Variants in TRPM2 observed in about 807,000 individuals in gnomAD.
TRPM2 encodes transient receptor potential cation channel subfamily M member 2.
TRPM2 carries 161 observed loss-of-function variants against 174.0 expected under a neutral mutation model. The observed-to-expected ratio is 0.93, with a 90% CI of 0.81 to 1.05. TRPM2 has a LOEUF of 1.05. Among genes scored for constraint, TRPM2 ranks in the 50% least tolerant of loss-of-function variants. The probability of loss-of-function intolerance (pLI) is 0.00; values close to 1 mark genes in which losing one functional copy is unlikely to be tolerated. For synonymous variants in TRPM2, 954 were observed against 861.3 expected, an observed-to-expected ratio of 1.11 and a Z score of -1.88; for missense variants, 2,057 against 2,038.0, an observed-to-expected ratio of 1.01 and a Z score of -0.18.
At chr21:44,355,064 C>T (rs772404489) in intron 2 of TRPM2, among the ~76,000 whole-genome samples, 3 of 152,062 alleles carry the variant, frequency 2.0e-5, no homozygotes, top group Non-Finnish European at 4.4e-5. Flanking sequence ...CATTTCCACA[C>T]CTGCCCCCAC....
intron 16 of TRPM2, among the ~76,000 whole-genome samples, chr21:44,404,779 GTGA>G (rs984646348): frequency 4.4e-4 from 66 of 150,560 alleles, no homozygotes; most frequent in African/African-American, 1.2e-3. Context: ...GACAGTGACT[GTGA>G]TGATAGTGGA....
At chr21:44,420,374 C>T (rs2050506890) in intron 22 of TRPM2, among the ~76,000 whole-genome samples, 2 of 152,174 alleles carry the variant, frequency 1.3e-5, no homozygotes, top group African/African-American at 4.8e-5. Context: ...GGACAGAGTC[C>T]CACATGTTCC....
intron 2 of TRPM2, among the ~76,000 whole-genome samples, chr21:44,356,201 T>TC (rs2048056468): frequency 6.8e-6 from 1 of 146,838 alleles, no homozygotes; most frequent in Admixed American, 6.7e-5. Flanking sequence ...TTAATTGTTT[T>TC]TTTTTTCCTG....
At chr21:44,386,281 G>A (rs921190120) in intron 9 of TRPM2, among the ~76,000 whole-genome samples, 2 of 152,068 alleles carry the variant, frequency 1.3e-5, no homozygotes, top group African/African-American at 2.4e-5. Flanking sequence ...GGTGGCGAGC[G>A]CCTGTAGTCC....
At position 44,391,216 on chromosome 21, in the gene TRPM2, G is replaced by A. The variant is rs555792001; in HGVS notation, c.1441-56G>A. The A allele has an allele frequency of 7.0e-6, 11 of 1,560,832 alleles. No individual in the cohort carries two copies. In the African/African-American group the frequency reaches 9.4e-5, roughly 13 times the overall value. On this transcript the variant is annotated intron_variant, in intron 10 of 31. Transcript: ENST00000397928. The surrounding 1 kb of genome is among the most constrained non-coding windows in gnomAD (Gnocchi z 5.0). ...CCCATCTCCAGGGTCTTTGAGATCA[G>A]GATGACATGGGGTGATGACCAAATG...
Position 44,442,045 on chromosome 21 carries a change from ACT to A in TRPM2, c.*230_*231del. The A allele has an allele frequency of 1.8e-6, 1 of 568,650 alleles. No homozygotes were observed. The highest frequency in any genetic ancestry group is 2.7e-6 in the Non-Finnish European group (1 of 375,062). 35.2% of individuals were successfully genotyped at this position (568,650 alleles called of 1,614,324 possible). The stretch of plus-strand genomic sequence containing the variant: ...GAGAGCTCAAGACAGGGCACAGGCT[ACT>A]CAGAGCTGAGGGGCCCCTGGGACCC... On this transcript the variant is annotated 3_prime_UTR_variant, in exon 32 of 32. Coordinates refer to ENST00000397928, the MANE Select transcript of TRPM2 (RefSeq NM_003307.4).
At chr21:44,431,155 T>C (rs1041909092) in intron 27 of TRPM2, among the ~76,000 whole-genome samples, 7 of 152,228 alleles carry the variant, frequency 4.6e-5, no homozygotes, top group African/African-American at 1.7e-4. Flanking sequence ...TATTCAACTT[T>C]CCTGGTTTTC....
intron 5 of TRPM2, among the ~76,000 whole-genome samples, chr21:44,374,015 C>CT (rs1015267813): frequency 0.025 from 3,695 of 145,288 alleles, 120 homozygotes; most frequent in African/African-American, 0.078. Context: ...CTCTCTCTCT[C>CT]TTTTTTTTTT....
At chr21:44,377,639 T>C in intron 6 of TRPM2, 73 bp from the exon 7 acceptor site, 4 of 1,594,434 alleles carry the variant, frequency 2.5e-6, no homozygotes, top group Non-Finnish European at 3.4e-6. Context: ...CCATGCTTTG[T>C]TCAGGTGTGG....
intron 19 of TRPM2, among the ~76,000 whole-genome samples, chr21:44,407,874 TA>T (rs956665264): frequency 2.6e-5 from 4 of 151,244 alleles, no homozygotes; most frequent in Admixed American, 1.3e-4. Flanking sequence ...TCCTTTTTTT[TA>T]AAAAAAATTA....
intron 5 of TRPM2, among the ~76,000 whole-genome samples, chr21:44,370,706 C>G (rs149227537): frequency 1.3e-5 from 2 of 152,272 alleles, no homozygotes; most frequent in Non-Finnish European, 2.9e-5. Context: ...GCCCGGCCTT[C>G]GCCTTCCTTT....
At chr21:44,352,386 C>T (rs2123000926), upstream of TRPM2, among the ~76,000 whole-genome samples, 23 of 152,224 alleles carry the variant, frequency 1.5e-4, no homozygotes, top group African/African-American at 4.8e-4. Context: ...GACAGCAGCC[C>T]GTAGCTCAGC....
intron 20 of TRPM2, among the ~76,000 whole-genome samples, chr21:44,417,074 G>A (rs568766005): frequency 6.4e-5 from 8 of 125,358 alleles, no homozygotes; most frequent in South Asian, 2.9e-4. Flanking sequence ...CAGTGGGCAC[G>A]TGGGCATGGC....
chr21:44,376,016 AG>A lies in TRPM2; in HGVS notation c.952+7del. On this transcript the variant is annotated splice_donor_region_variant and intron_variant, in intron 6 of 31. Transcript: ENST00000397928. The surrounding 1 kb of genome is among the most constrained non-coding windows in gnomAD (Gnocchi z 4.2). Reference sequence around the variant, plus strand: ...GGAGCAGACCAAGGAAAGAGGAGGTAGGGGAGCTTGCTTTCGAGGGTGATTG... The same window carrying A: ...GGAGCAGACCAAGGAAAGAGGAGGTAGGGAGCTTGCTTTCGAGGGTGATTG... 2.5e-6 allele frequency: 4 copies of A among 1,611,138 alleles called. No individual in the cohort carries two copies. Among genetic ancestry groups the A allele is most frequent in the African/African-American group, 1.3e-5 (1 of 75,002 alleles).
At chr21:44,420,920 G>C (rs1217208951) in intron 22 of TRPM2, among the ~76,000 whole-genome samples, 1 of 152,230 alleles carries the variant, frequency 6.6e-6, no homozygotes, top group Non-Finnish European at 1.5e-5. Flanking sequence ...CCAGGAAAGT[G>C]AGAGAGGTGG....
Position 44,405,233 on chromosome 21 carries a change from T to C in TRPM2, c.2630T>C (p.Leu877Ser), listed in dbSNP as rs1410518298. 6.2e-7 allele frequency: 1 copy of C among 1,613,316 alleles called. No homozygotes were observed. Among genetic ancestry groups the C allele is most frequent in the Non-Finnish European group, 8.5e-7 (1 of 1,179,946 alleles). ...FWNKLDVGAILLFVAGLTCRL... is the reference protein window; with the variant it reads ...FWNKLDVGAISLFVAGLTCRL... The stretch of plus-strand genomic sequence containing the variant: ...AATAAGCTGGACGTCGGCGCAATCT[T>C]GCTCTTCGTGGCAGGGCTGACCTGC... The change falls in exon 17 of 32, where the codon TTG (leucine) becomes TCG (serine). Residue 877 changes from leucine (L) to serine (S), a missense_variant. Leu to Ser is a moderately radical substitution (Grantham distance 145). Coordinates refer to ENST00000397928, the MANE Select transcript of TRPM2 (RefSeq NM_003307.4).
chr21:44,398,231 C>T (rs867595500), intron 13 of TRPM2, among the ~76,000 whole-genome samples: 2 of 134,406 alleles, frequency 1.5e-5, no homozygotes, highest in Admixed American at 7.3e-5. Flanking sequence ...GATGGAGTGT[C>T]GCTCTGTTGC....
intron 22 of TRPM2, among the ~76,000 whole-genome samples, chr21:44,422,696 T>G (rs1370876834): frequency 1.3e-5 from 2 of 152,146 alleles, no homozygotes; most frequent in Non-Finnish European, 2.9e-5. Context: ...ATTTTAACCA[T>G]AAACACAGCA....
At chr21:44,429,063 A>AT in intron 27 of TRPM2, among the ~76,000 whole-genome samples, 1 of 152,340 alleles carries the variant, frequency 6.6e-6, no homozygotes, top group African/African-American at 2.4e-5. Flanking sequence ...TAAGAATTGT[A>AT]TTAAATTTAT....
Sources: gnomAD v4.1 joint callset for allele counts (sites outside exome capture counted in the v4.1 genomes callset) on GRCh38, gnomAD v4.1.1 for gene constraint, Gnocchi (gnomAD v3.1) non-coding constraint, MANE v1.5 for transcripts, NCBI Gene and HGNC (gene_info 2026-07-23, HGNC 2026-07-21) for gene names.